The following ABCA8 variants were observed in gnomAD, a reference collection of about 807,000 sequenced individuals.
ABCA8 encodes the protein ABC-type organic anion transporter ABCA8.
ABCA8 carries 177 observed loss-of-function variants against 192.3 expected under a neutral mutation model. That is an observed-to-expected ratio of 0.92 (90% CI 0.81 to 1.04). ABCA8 has a LOEUF of 1.04. Ranked by LOEUF, ABCA8 falls within the 50% of genes least tolerant of loss-of-function variation. The pLI, the probability that ABCA8 is intolerant of heterozygous loss-of-function variation, is 0.00. For missense variants in ABCA8, 1,915 were observed against 1,904.8 expected (o/e 1.01, Z -0.10); for synonymous variants, 642 against 690.2 (o/e 0.93, Z 1.09).
chr17:68,897,552 C>G lies in ABCA8; in HGVS notation c.2765-2539G>C, dbSNP rs1279373847. 2.0e-5 allele frequency among the ~76,000 whole-genome samples: 3 copies of G among 152,112 alleles called. No homozygotes were observed. In the East Asian group the frequency reaches 5.8e-4, roughly 29 times the overall value. On this transcript the variant is annotated intron_variant, in intron 21 of 39. Transcript: ENST00000586539. ...AACCTAAAAAACAAAGACTTCAAGG[C>G]AGGTATTGTAAGTATGCTCAAAAAA...
intron 6 of ABCA8, 148 bp downstream of exon 6, chr17:68,933,020 G>A (rs557351663): frequency 3.8e-5 from 23 of 610,092 alleles, no homozygotes; most frequent in Middle Eastern, 4.5e-4. Flanking sequence ...TCTACATTCC[G>A]TGGTATATAG....
intron 17 of ABCA8, among the ~76,000 whole-genome samples, chr17:68,908,234 C>T (rs1215934298): frequency 1.3e-5 from 2 of 152,090 alleles, no homozygotes; most frequent in African/African-American, 4.8e-5. Context: ...CAGGACTATG[C>T]AAAATGGATA....
At position 68,929,615 on chromosome 17, in the gene ABCA8, A is replaced by T; in HGVS notation, c.885T>A (p.Ile295=). The change falls in exon 8 of 40, where the codon ATT becomes ATA. Residue 295 remains isoleucine, a synonymous_variant. Coordinates refer to ENST00000586539, the MANE Select transcript of ABCA8 (RefSeq NM_001288985.2). The part of the protein sequence containing the change: ...ALVIRSTQFI[I]LSGFMVVFSL... ...TGAAGACTACCATGAAGCCAGACAAAATGATAAACTGGGTAGATCTTATAA... is the reference window on the plus strand; with the variant it reads ...TGAAGACTACCATGAAGCCAGACAATATGATAAACTGGGTAGATCTTATAA... The T allele has an allele frequency of 1.2e-6, 2 of 1,613,886 alleles. No homozygotes were observed. The highest frequency in any genetic ancestry group is 1.7e-6 in the Non-Finnish European group (2 of 1,179,838).
chr17:68,909,000 A>G (rs1285089286), intron 17 of ABCA8, among the ~76,000 whole-genome samples: 1 of 152,220 alleles, frequency 6.6e-6, no homozygotes, highest in Admixed American at 6.5e-5. Context: ...GTATGAACTT[A>G]AAAGAATATA....
intron 38 of ABCA8, among the ~76,000 whole-genome samples, 188 bp downstream of exon 38, chr17:68,869,512 T>G (rs1598170783): frequency 6.6e-6 from 1 of 152,276 alleles, no homozygotes; most frequent in East Asian, 1.9e-4. Flanking sequence ...TCACTCTCAT[T>G]ATCCCCTGGC....
chr17:68,868,140 T>A lies in ABCA8; in HGVS notation c.4811A>T (p.Glu1604Val), dbSNP rs759805595. ...LSKEQELGDF[E>V]EDFDPSVKWK... ...CTTCACTGAGGGATCAAAATCCTCC[T>A]CAAAATCACCCAGCTCCTGCTCCTT... Residue 1604 changes from glutamate to valine, a missense_variant, in exon 40 of 40, where the codon GAG becomes GTG. By Grantham distance (121) the Glu-to-Val change is moderately radical. Coordinates refer to ENST00000586539, the MANE Select transcript of ABCA8 (RefSeq NM_001288985.2). 2 of 1,613,084 alleles carry A rather than the reference T, an allele frequency of 1.2e-6. No homozygotes were observed. Among genetic ancestry groups the A allele is most frequent in the Non-Finnish European group, 1.7e-6 (2 of 1,179,578 alleles).
intron 26 of ABCA8, 58 bp downstream of exon 26, chr17:68,886,959 T>C (rs1373098680): frequency 8.9e-6 from 11 of 1,233,118 alleles, no homozygotes; most frequent in Non-Finnish European, 1.3e-5. Flanking sequence ...ATTTAAAGGA[T>C]TAGCTCAGAA....
intron 15 of ABCA8, 40 bp downstream of exon 15, chr17:68,918,387 T>C (rs747845569): frequency 6.3e-5 from 97 of 1,541,998 alleles, no homozygotes; most frequent in Non-Finnish European, 8.1e-5. Context: ...AGTTCCATTT[T>C]TTAAACTTTG....
chr17:68,906,056 T>A lies in ABCA8; in HGVS notation c.2386A>T (p.Ile796Phe). The change falls in exon 19 of 40, where the codon ATT becomes TTT. Residue 796 changes from isoleucine (I) to phenylalanine (F), a missense_variant. Coordinates refer to ENST00000586539, the MANE Select transcript of ABCA8 (RefSeq NM_001288985.2). ...GCATTTTATTTACCCGATTCATTAA[T>A]TGTAGATTTTCCTTCTAGCTTCAGG... ...VFLKLEGKST[I>F]NESDIAILGE... 6.3e-7 allele frequency: 1 copy of A among 1,586,530 alleles called. No individual in the cohort carries two copies. The highest frequency in any genetic ancestry group is 1.2e-5 in the South Asian group (1 of 86,074).
In ABCA8 at chr17:68,867,404, T is replaced by A. The variant is rs1048527507; in HGVS notation, c.*681A>T. 1 of 152,174 alleles carries A rather than the reference T, an allele frequency of 6.6e-6. No individual in the cohort carries two copies. The highest frequency in any genetic ancestry group is 6.6e-5 in the Admixed American group (1 of 15,266). 9.4% of individuals were successfully genotyped at this position (152,174 alleles called of 1,614,324 possible). On this transcript the variant is annotated 3_prime_UTR_variant, in exon 40 of 40. Coordinates refer to ENST00000586539, the MANE Select transcript of ABCA8 (RefSeq NM_001288985.2). ...AGTGACAAATATCCACAAAAGATCA[T>A]TTACAATGTAGACATCACTAAAGTC...
At chr17:68,892,258 C>A (rs573018396) in intron 23 of ABCA8, among the ~76,000 whole-genome samples, 24 of 152,270 alleles carry the variant, frequency 1.6e-4, no homozygotes, top group Middle Eastern at 3.4e-3. Flanking sequence ...TAACCAGAGC[C>A]TGGTGGTCTT....
At chr17:68,917,656 T>C (rs1240016043) in intron 16 of ABCA8, among the ~76,000 whole-genome samples, 1 of 152,232 alleles carries the variant, frequency 6.6e-6, no homozygotes, top group African/African-American at 2.4e-5. Context: ...TCAGGGAGGT[T>C]AAATTTTGTG....
chr17:68,869,249 A>C (rs957411285), intron 38 of ABCA8, among the ~76,000 whole-genome samples: 2 of 152,156 alleles, frequency 1.3e-5, no homozygotes, highest in East Asian at 3.8e-4. Flanking sequence ...AGATGCAGGG[A>C]AGTTAGTTCT....
intron 19 of ABCA8, among the ~76,000 whole-genome samples, chr17:68,905,316 G>A (rs1043991515): frequency 3.9e-5 from 6 of 152,116 alleles, no homozygotes; most frequent in African/African-American, 1.2e-4. Flanking sequence ...TACTGATAAC[G>A]GTCATCAGTC....
In ABCA8 at chr17:68,918,520, T is replaced by C. The variant is rs996113233; in HGVS notation, c.1815A>G (p.Glu605=). 8 of 1,518,490 alleles carry C rather than the reference T, an allele frequency of 5.3e-6. No homozygotes were observed. The South Asian group carries it at 8.8e-5, about 17-fold the overall frequency. The allele number at this position is 1,518,490 out of a possible 1,614,324, so 94.1% of individuals were successfully genotyped here. The change falls in exon 15 of 40, where the codon GAA becomes GAG. Residue 605 remains glutamate, a synonymous_variant. Coordinates refer to ENST00000586539, the MANE Select transcript of ABCA8 (RefSeq NM_001288985.2). ...KEIQRVLLEL[E]MKNIQDVLAQ... ...CAAGAACATCCTGAATATTTTTCAT[T>C]TCCAATTCCAGCAGAACCCTTTGTA... is the stretch of plus-strand genomic sequence containing the variant.
chr17:68,954,804 C>T (rs932217715), intron 1 of ABCA8, among the ~76,000 whole-genome samples: 5 of 152,118 alleles, frequency 3.3e-5, no homozygotes, highest in Non-Finnish European at 5.9e-5. Context: ...GTCAGAAGAA[C>T]ACTTATCCAA....
chr17:68,884,339 A>G lies in ABCA8; in HGVS notation c.3607T>C (p.Phe1203Leu), dbSNP rs760185417. ...GAACAGTGTGTTCTTACAATTAGGAATACCAGAAATGGCTGTACATCCATT... is the reference window on the plus strand; with the variant it reads ...GAACAGTGTGTTCTTACAATTAGGAGTACCAGAAATGGCTGTACATCCATT... The part of the protein sequence containing the change: ...ERMDVQPFLV[F>L]LIPFLHFIIF... The change falls in exon 28 of 40, where the codon TTC becomes CTC. Residue 1203 changes from phenylalanine to leucine, a missense_variant. Transcript: ENST00000586539. 6.3e-7 allele frequency: 1 copy of G among 1,584,044 alleles called. No individual in the cohort carries two copies. Among genetic ancestry groups the G allele is most frequent in the South Asian group, 1.2e-5 (1 of 84,214 alleles).
chr17:68,892,273 T>A (rs2066637988), intron 23 of ABCA8, among the ~76,000 whole-genome samples: 1 of 152,178 alleles, frequency 6.6e-6, no homozygotes, highest in Non-Finnish European at 1.5e-5. Flanking sequence ...GGTCTTCAGC[T>A]TGGTCACCAG....
At chr17:68,919,194 C>A (rs892750354) in intron 14 of ABCA8, 107 bp downstream of exon 14, 4 of 1,084,266 alleles carry the variant, frequency 3.7e-6, no homozygotes, top group East Asian at 4.8e-5. Context: ...TCTTGTCCAA[C>A]AATTGTACAA....
Sources: gnomAD v4.1 joint callset for allele counts (sites outside exome capture counted in the v4.1 genomes callset) on GRCh38, gnomAD v4.1.1 for gene constraint, MANE v1.5 for transcripts, NCBI Gene and HGNC (gene_info 2026-07-23, HGNC 2026-07-21) for gene names.